The following GNL2 variants were observed in gnomAD, a reference collection of about 807,000 sequenced individuals.
GNL2 encodes the protein nucleolar GTP-binding protein 2.
A neutral mutation model predicts 92.3 loss-of-function variants in GNL2; 51 were observed. The observed-to-expected ratio is 0.55, with a 90% CI of 0.44 to 0.70. The LOEUF is 0.70. Among genes scored for constraint, GNL2 ranks in the 30% least tolerant of loss-of-function variants. The pLI is 0.00. For synonymous variants in GNL2, 283 were observed against 300.6 expected (o/e 0.94, Z 0.61); for missense variants, 844 against 895.6 (o/e 0.94, Z 0.74).
chr1:37,591,423 G>A (rs1643886704), intron 3 of GNL2, among the ~76,000 whole-genome samples: 1 of 152,058 alleles, frequency 6.6e-6, no homozygotes, highest in African/African-American at 2.4e-5. Context: ...ACAGCAAGGT[G>A]GTAATGACGG....
chr1:37,589,835 CCCCT>C (rs1557645090), intron 4 of GNL2, among the ~76,000 whole-genome samples: 1 of 152,192 alleles, frequency 6.6e-6, no homozygotes, highest in African/African-American at 2.4e-5. Context: ...GTGACCAGCA[CCCCT>C]TCCTTCAGCT....
rs186747092 is a variant in GNL2, at chr1:37,592,608, G to A, written c.244+104C>T. On this transcript the variant is annotated intron_variant, in intron 3 of 15. Coordinates refer to ENST00000373062, the MANE Select transcript of GNL2 (RefSeq NM_013285.3). ...ATCCCTTTCTCAGATAATCCTTGCC[G>A]GTTTCACTCACCAAAAACTCCTGCT... 81 of 677,354 alleles carry A rather than the reference G, an allele frequency of 1.2e-4. No homozygotes were observed. In the Middle Eastern group the frequency reaches 7.7e-3, roughly 64 times the overall value. 42.0% of individuals were successfully genotyped at this position (677,354 alleles called of 1,614,324 possible).
chr1:37,567,093 C>T, intron 15 of GNL2, 86 bp from the exon 16 acceptor site: 1 of 1,373,606 alleles, frequency 7.3e-7, no homozygotes. Flanking sequence ...TGCTTCTCAT[C>T]TCTGTGTTCT....
Position 37,582,272 on chromosome 1 carries a change from T to A in GNL2, c.860A>T (p.Asn287Ile). 6.2e-7 allele frequency: 1 copy of A among 1,612,836 alleles called. No homozygotes were observed. The highest frequency in any genetic ancestry group is 8.5e-7 in the Non-Finnish European group (1 of 1,179,452). ...AATGAATGCTCCCTTGCCAAACGGG[T>A]TAGTAAGGCTTGCATGGAAAGCAAG... ...PTLAFHASLT[N>I]PFGKGAFIQL... Residue 287 changes from asparagine (N) to isoleucine (I), a missense_variant, in exon 8 of 16, where the codon AAC becomes ATC. Physicochemically the swap from Asn to Ile is moderately radical, Grantham distance 149 (BLOSUM62 -3). Coordinates refer to ENST00000373062, the MANE Select transcript of GNL2 (RefSeq NM_013285.3).
At chr1:37,594,571 G>T (rs564812815) in intron 1 of GNL2, among the ~76,000 whole-genome samples, 10 of 151,822 alleles carry the variant, frequency 6.6e-5, no homozygotes, top group African/African-American at 2.4e-4. Flanking sequence ...AGACAGAGTC[G>T]TGCTCTGTCA....
chr1:37,568,852 TG>T lies in GNL2; in HGVS notation c.1866del (p.Arg623GlufsTer6). The T allele has an allele frequency of 6.2e-7, 1 of 1,608,228 alleles. No individual in the cohort carries two copies. Among genetic ancestry groups the T allele is most frequent in the East Asian group, 2.2e-5 (1 of 44,840 alleles). On this transcript the variant is annotated frameshift_variant and splice_region_variant, in exon 13 of 16. Transcript: ENST00000373062. LOFTEE classifies it high-confidence loss of function. ...TTTGTGAGAAGATGAAAATATTACC[TG>T]ACTGCTGAAAACTTTTTGGCTTTGG... ...DKAKAKKFSA[V>X]RISKGLSEKI... is the part of the protein sequence containing the mutation.
chr1:37,574,713 A>T lies in GNL2; in HGVS notation c.1254T>A (p.Ala418=). The change falls in exon 11 of 16, where the codon GCT becomes GCA. Residue 418 remains alanine, a synonymous_variant. Coordinates refer to ENST00000373062, the MANE Select transcript of GNL2 (RefSeq NM_013285.3). The stretch of plus-strand genomic sequence containing the variant: ...AAGCGAGCTTCTCAAGAAAGTCCTC[A>T]GCATTCTCCCAAGAATCAATCTTGT... ...KTYKIDSWEN[A]EDFLEKLAFR... The T allele has an allele frequency of 6.2e-7, 1 of 1,614,044 alleles. No homozygotes were observed. The highest frequency in any genetic ancestry group is 2.2e-5 in the East Asian group (1 of 44,894).
intron 8 of GNL2, among the ~76,000 whole-genome samples, chr1:37,581,172 A>G (rs1441428385): frequency 2.6e-5 from 4 of 152,350 alleles, no homozygotes; most frequent in African/African-American, 9.6e-5. Context: ...GTGGGCACAG[A>G]TCAAGAAAAT....
intron 5 of GNL2, among the ~76,000 whole-genome samples, chr1:37,584,545 A>G (rs1409742343): frequency 6.6e-6 from 1 of 152,126 alleles, no homozygotes; most frequent in Non-Finnish European, 1.5e-5. Flanking sequence ...AAGTGAAATA[A>G]GCCAGACACA....
intron 12 of GNL2, 103 bp from the exon 13 acceptor site, chr1:37,569,405 A>C: frequency 1.3e-6 from 1 of 755,922 alleles, no homozygotes; most frequent in Admixed American, 2.9e-5. Flanking sequence ...CTCAGGACTA[A>C]GGGAAGGTAT....
intron 1 of GNL2, 91 bp downstream of exon 1, chr1:37,595,668 T>C: frequency 9.2e-7 from 1 of 1,091,892 alleles, no homozygotes; most frequent in Non-Finnish European, 1.4e-6. Flanking sequence ...GCAATGCCAC[T>C]CGAGTAACCC....
At chr1:37,587,051 G>C (rs555117167) in intron 5 of GNL2, among the ~76,000 whole-genome samples, 1 of 152,252 alleles carries the variant, frequency 6.6e-6, no homozygotes, top group Middle Eastern at 3.4e-3. Flanking sequence ...TGGATTGCCT[G>C]AGCTCACGAG....
Position 37,568,910 on chromosome 1 carries a change from C to T in GNL2, c.1809G>A (p.Lys603=). The stretch of plus-strand genomic sequence containing the variant: ...CTAGAAACTTCTGATATTTGGCAAT[C>T]TTCTCATCCAGTGCTTTAATAACGG... ...TKAVIKALDE[K]IAKYQKFLDK... is the part of the protein sequence containing the mutation. Residue 603 remains lysine, a synonymous_variant, in exon 13 of 16, where the codon AAG becomes AAA. Coordinates refer to ENST00000373062, the MANE Select transcript of GNL2 (RefSeq NM_013285.3). 1.2e-6 allele frequency: 2 copies of T among 1,614,166 alleles called. No individual in the cohort carries two copies. The highest frequency in any genetic ancestry group is 1.7e-6 in the Non-Finnish European group (2 of 1,180,026).
At position 37,587,493 on chromosome 1, in the gene GNL2, G is replaced by A. The variant is rs1349340407; in HGVS notation, c.387C>T (p.Asn129=). 1.2e-6 allele frequency: 2 copies of A among 1,601,526 alleles called. No homozygotes were observed. The highest frequency in any genetic ancestry group is 1.7e-6 in the Non-Finnish European group (2 of 1,171,826). The change falls in exon 5 of 16, where the codon AAC becomes AAT. Residue 129 remains asparagine (N), a splice_region_variant and synonymous_variant. Coordinates refer to ENST00000373062, the MANE Select transcript of GNL2 (RefSeq NM_013285.3). ...CAGTATCAAGAATGTGCACCTTCAA[G>A]TTCTGAAGAGAAAGGAGAATAACAG... is the stretch of plus-strand genomic sequence containing the variant. ...SLLHDRIRPH[N]LKVHILDTES...
rs564524449 is a variant in GNL2 at position 37,594,098 on chromosome 1, T to C, written c.65-252A>G. 6.4e-4 allele frequency: 300 copies of C among 468,046 alleles called. 1 individual carries two copies. Among genetic ancestry groups the C allele is most frequent in the African/African-American group, 5.4e-3 (271 of 50,444 alleles). The allele number at this position is 468,046 out of a possible 1,614,324, so 29.0% of individuals were successfully genotyped here. On this transcript the variant is annotated intron_variant, in intron 1 of 15. Transcript: ENST00000373062. ...AATAGCTAATATTTTTGAGCACTTA[T>C]GATGGCACTGTGTTATCCAAATTAT... is the stretch of plus-strand genomic sequence containing the variant.
In GNL2 at chr1:37,582,921, C is replaced by T. The variant is rs1468488206; in HGVS notation, c.652G>A (p.Asp218Asn). The part of the protein sequence containing the change: ...GELYKVIDSS[D>N]VVVQVLDARD... ...GCATCAAGAACTTGAACTACAACAT[C>T]TGATGAATCTATCACCTGAAAATTC... is the stretch of plus-strand genomic sequence containing the variant. Residue 218 changes from aspartate (D) to asparagine (N), a missense_variant, in exon 7 of 16, where the codon GAT (aspartate) becomes AAT (asparagine). Coordinates refer to ENST00000373062, the MANE Select transcript of GNL2 (RefSeq NM_013285.3). 5.0e-6 allele frequency: 8 copies of T among 1,611,500 alleles called. No individual in the cohort carries two copies. Among genetic ancestry groups the T allele is most frequent in the Admixed American group, 1.7e-5 (1 of 59,652 alleles).
chr1:37,593,358 G>T, intron 2 of GNL2: 1 of 174,172 alleles, frequency 5.7e-6, no homozygotes, highest in Non-Finnish European at 1.2e-5. Context: ...AGCAGAACTC[G>T]GAGTTTTGAT....
Position 37,595,910 on chromosome 1 carries a change from C to T in GNL2, c.-88G>A. On this transcript the variant is annotated 5_prime_UTR_variant, in exon 1 of 16. Transcript: ENST00000373062. ...GTTCCCAAGCCCGGCCGAAGACACCCGCCTGAACCACGCCGGACCACGTGT... is the reference window on the plus strand; with the variant it reads ...GTTCCCAAGCCCGGCCGAAGACACCTGCCTGAACCACGCCGGACCACGTGT... 1 of 1,097,276 alleles carries T rather than the reference C, an allele frequency of 9.1e-7. No individual in the cohort carries two copies. The highest frequency in any genetic ancestry group is 1.4e-6 in the Non-Finnish European group (1 of 718,082). The allele number at this position is 1,097,276 out of a possible 1,614,324, so 68.0% of individuals were successfully genotyped here.
rs576774527 is a variant in GNL2, at chr1:37,575,611, A to G, written c.1127T>C (p.Ile376Thr). ...VYPSEDSETD[I>T]VLKGVVQVEK... ...AATACTCACAACTCCTTTTAGCACA[A>G]TGTCTGTCTCGGAGTCCTCAGAGGG... Residue 376 changes from isoleucine (I) to threonine (T), a missense_variant, in exon 10 of 16, where the codon ATT (isoleucine) becomes ACT (threonine). By Grantham distance (89) the Ile-to-Thr change is moderately conservative (BLOSUM62 -1). Coordinates refer to ENST00000373062, the MANE Select transcript of GNL2 (RefSeq NM_013285.3). This position sits in a 1 kb window ranked among gnomAD's most constrained non-coding sequence, Gnocchi z 4.1. 53 of 1,585,514 alleles carry G rather than the reference A, an allele frequency of 3.3e-5. No homozygotes were observed. The South Asian group carries it at 5.6e-4, about 17-fold the overall frequency.
Sources: allele counts gnomAD v4.1 joint callset (sites outside exome capture counted in the v4.1 genomes callset), GRCh38; gene constraint gnomAD v4.1.1; non-coding constraint Gnocchi (gnomAD v3.1); transcripts MANE v1.5; gene names NCBI Gene and HGNC (gene_info 2026-07-23, HGNC 2026-07-21).